Variants in ATPAF2 observed in about 807,000 individuals in gnomAD.
The protein encoded by ATPAF2 is ATP synthase mitochondrial F1 complex assembly factor 2.
A neutral mutation model predicts 36.6 loss-of-function variants in ATPAF2; 30 were observed. That is an observed-to-expected ratio of 0.82 (90% CI 0.61 to 1.11). The LOEUF (loss-of-function observed/expected upper bound fraction) is 1.11, where lower values mean the gene tolerates loss of function less well. Ranked by LOEUF, ATPAF2 falls within the 50% of genes most tolerant of loss-of-function variation. ATPAF2 has a pLI of 0.00. For synonymous variants in ATPAF2, 140 were observed against 152.6 expected (o/e 0.92, Z 0.61); for missense variants, 321 against 372.3 (o/e 0.86, Z 1.13).
At position 18,034,038 on chromosome 17, in the gene ATPAF2, G is replaced by A. The variant is rs555855427; in HGVS notation, c.133+4843C>T. ...GGAGGCTGACATGGGAGGATCACCT[G>A]AGCCTGGGAGGTTGAGGCTGCAGTG... On this transcript the variant is annotated intron_variant, in intron 1 of 7. Transcript: ENST00000474627. Among the ~76,000 whole-genome samples the A allele has an allele frequency of 4.6e-4, 70 of 152,250 alleles. 1 individual carries two copies. The South Asian group carries it at 0.014, about 31-fold the overall frequency.
intron 1 of ATPAF2, among the ~76,000 whole-genome samples, chr17:18,033,750 C>T (rs1191280014): frequency 1.3e-5 from 2 of 152,084 alleles, no homozygotes; most frequent in African/African-American, 4.8e-5. Flanking sequence ...AATCCTAGGG[C>T]GGCTCTAACC....
intron 1 of ATPAF2, among the ~76,000 whole-genome samples, chr17:18,029,617 G>A (rs7224047): frequency 0.4 from 60,868 of 150,712 alleles, 13,425 homozygotes; most frequent in East Asian, 0.87. Flanking sequence ...TTGAAATGGC[G>A]TCTCACTCTC....
chr17:18,026,456 G>A, intron 3 of ATPAF2, 40 bp from the exon 4 acceptor site: 1 of 1,529,336 alleles, frequency 6.5e-7, no homozygotes, highest in Non-Finnish European at 9.1e-7. Flanking sequence ...CTGCCTGCGG[G>A]GCTCAGGCAA....
At chr17:18,032,159 A>G (rs1420919580) in intron 1 of ATPAF2, among the ~76,000 whole-genome samples, 1 of 152,234 alleles carries the variant, frequency 6.6e-6, no homozygotes, top group African/African-American at 2.4e-5. Context: ...CAGCAGGAAG[A>G]GCCAGCAGAG....
intron 1 of ATPAF2, among the ~76,000 whole-genome samples, chr17:18,029,879 T>TAA (rs771131818): frequency 0.047 from 2,497 of 53,092 alleles, 137 homozygotes; most frequent in Middle Eastern, 0.074. Context: ...CCTTTAACGC[T>TAA]AAAAAAAAAA....
chr17:18,017,069 G>A (rs952724692), downstream of ATPAF2, among the ~76,000 whole-genome samples: 5 of 150,090 alleles, frequency 3.3e-5, no homozygotes, highest in Admixed American at 3.4e-4. Flanking sequence ...CTACTCAGGA[G>A]GCTGAGGCAG....
intron 1 of ATPAF2, among the ~76,000 whole-genome samples, chr17:18,031,743 G>A (rs980191698): frequency 3.3e-5 from 5 of 152,106 alleles, no homozygotes; most frequent in Non-Finnish European, 7.4e-5. Context: ...TCGCACCACT[G>A]CACTCCAGCC....
chr17:18,024,035 G>A (rs755234575), intron 5 of ATPAF2, among the ~76,000 whole-genome samples: 1 of 152,192 alleles, frequency 6.6e-6, no homozygotes, highest in Non-Finnish European at 1.5e-5. Context: ...TTCTCCAAGT[G>A]CATACATATC....
At position 18,028,378 on chromosome 17, in the gene ATPAF2, C is replaced by G. The variant is rs913180480; in HGVS notation, c.179-1G>C. The G allele has an allele frequency of 8.7e-6, 14 of 1,613,774 alleles. No homozygotes were observed. The highest frequency in any genetic ancestry group is 1.1e-5 in the Non-Finnish European group (13 of 1,179,946). On this transcript the variant is annotated splice_acceptor_variant, in intron 2 of 7. Coordinates refer to ENST00000474627, the MANE Select transcript of ATPAF2 (RefSeq NM_145691.4). LOFTEE classifies it high-confidence loss of function. The stretch of plus-strand genomic sequence containing the variant: ...TGGTCCAGGTTTATCTCAAAGCCAC[C>G]TTGAAAGATCAAATGAAAAACTCTC...
chr17:18,024,712 A>G lies in ATPAF2; in HGVS notation c.423-8T>C. ...GGCTCCTCCACCCTGTAGCTAATTC[A>G]TTGTAAAAATAACCTTCATTAATAA... On this transcript the variant is annotated splice_region_variant and splice_polypyrimidine_tract_variant and intron_variant, in intron 4 of 7. Transcript: ENST00000474627. The G allele has an allele frequency of 1.2e-6, 2 of 1,609,634 alleles. No homozygotes were observed. The highest frequency in any genetic ancestry group is 1.7e-6 in the Non-Finnish European group (2 of 1,175,962).
chr17:18,027,578 G>A (rs2044566229), intron 3 of ATPAF2, among the ~76,000 whole-genome samples: 1 of 152,180 alleles, frequency 6.6e-6, no homozygotes, highest in Non-Finnish European at 1.5e-5. Context: ...TGCGAAAGGG[G>A]TAGCAACCTG....
intron 1 of ATPAF2, among the ~76,000 whole-genome samples, chr17:18,030,510 G>C (rs535738100): frequency 1.6e-5 from 2 of 123,098 alleles, no homozygotes; most frequent in African/African-American, 6.8e-5. Context: ...CCTGTCTCTT[G>C]GGGAAAAAAA....
chr17:18,016,709 ACCAGCC>A, downstream of ATPAF2: 1 of 1,378,890 alleles, frequency 7.3e-7, no homozygotes, highest in Non-Finnish European at 1.0e-6. Context: ...AAAACATAGC[ACCAGCC>A]CCAGCCAGGA....
rs1597684369 is a variant in ATPAF2 at position 18,039,000 on chromosome 17, C to G, written c.14G>C (p.Cys5Ser). 6.2e-7 allele frequency: 1 copy of G among 1,607,640 alleles called. No homozygotes were observed. The highest frequency in any genetic ancestry group is 1.1e-5 in the South Asian group (1 of 90,646). Reference sequence around the variant, plus strand: ...GCGTCCCCCGTCCCGCAGCCGGAGGCAGCTCCTCCACATCGCGCCCGAGGG... The same window carrying G: ...GCGTCCCCCGTCCCGCAGCCGGAGGGAGCTCCTCCACATCGCGCCCGAGGG... The part of the protein sequence containing the change: MWRS[C>S]LRLRDGGRRL... The change falls in exon 1 of 8, where the codon TGC becomes TCC. Residue 5 changes from cysteine (C) to serine (S), a missense_variant. This residue lies in a region of ATPAF2 where 69 missense variants were observed against 60.1 expected (regional missense o/e 1.15). Coordinates refer to ENST00000474627, the MANE Select transcript of ATPAF2 (RefSeq NM_145691.4).
At chr17:18,026,861 C>G (rs2044553479) in intron 3 of ATPAF2, 1 of 200,298 alleles carries the variant, frequency 5.0e-6, no homozygotes, top group Non-Finnish European at 1.0e-5. Flanking sequence ...TGACTGGAAA[C>G]CTTTACCAGC....
rs186499856 is a variant in ATPAF2, at chr17:18,031,254, C to T, written c.134-2595G>A. ...CCTCCCAAAGTGCTGGGATTACAGG[C>T]GTGAGCCACTGCGCCCAGCCTACTC... On this transcript the variant is annotated intron_variant, in intron 1 of 7. Coordinates refer to ENST00000474627, the MANE Select transcript of ATPAF2 (RefSeq NM_145691.4). Among the ~76,000 whole-genome samples, 593 of 151,752 alleles carry T rather than the reference C, an allele frequency of 3.9e-3. 3 individuals carry two copies. Among genetic ancestry groups the T allele is most frequent in the South Asian group, 9.6e-3 (46 of 4,786 alleles).
downstream of ATPAF2, among the ~76,000 whole-genome samples, chr17:18,017,380 G>A (rs1001507091): frequency 2.0e-5 from 3 of 152,174 alleles, no homozygotes; most frequent in African/African-American, 7.2e-5. Context: ...CCAGCCACAG[G>A]CAAAAGGAGG....
At chr17:18,019,183 A>ACCCCAC (rs1555634128) in intron 7 of ATPAF2, among the ~76,000 whole-genome samples, 32 of 150,822 alleles carry the variant, frequency 2.1e-4, no homozygotes, top group African/African-American at 7.8e-4. Flanking sequence ...ACACACACAC[A>ACCCCAC]CACCCCACCA....
downstream of ATPAF2, among the ~76,000 whole-genome samples, chr17:18,017,397 T>C (rs1442330967): frequency 6.6e-6 from 1 of 152,114 alleles, no homozygotes; most frequent in African/African-American, 2.4e-5. Flanking sequence ...GAGGCCGGTG[T>C]GGGCTAAGAC....
Sources: allele counts gnomAD v4.1 joint callset (sites outside exome capture counted in the v4.1 genomes callset), GRCh38; gene constraint gnomAD v4.1.1; regional missense constraint gnomAD v4.1.1; transcripts MANE v1.5; gene names NCBI Gene and HGNC (gene_info 2026-07-23, HGNC 2026-07-21).